The following SPPL2B variants were observed in gnomAD, a reference collection of about 807,000 sequenced individuals.
SPPL2B encodes the protein signal peptide peptidase-like 2B.
SPPL2B carries 39 observed loss-of-function variants against 59.7 expected under a neutral mutation model. The observed-to-expected ratio is 0.65, with a 90% CI of 0.51 to 0.85. The LOEUF (loss-of-function observed/expected upper bound fraction) is 0.85, where lower values mean the gene tolerates loss of function less well. SPPL2B is among the 40% of genes least tolerant of loss of function. The probability of loss-of-function intolerance (pLI) is 0.00; values close to 1 mark genes in which losing one functional copy is unlikely to be tolerated. For synonymous variants in SPPL2B, 419 were observed against 370.8 expected, an observed-to-expected ratio of 1.13 and a Z score of -1.49; for missense variants, 865 against 849.0, an observed-to-expected ratio of 1.02 and a Z score of -0.23.
chr19:2,340,250 C>T (rs549251350), intron 7 of SPPL2B, 78 bp downstream of exon 7: 115 of 1,133,918 alleles, frequency 1.0e-4, no homozygotes, highest in Admixed American at 3.9e-4. Flanking sequence ...CCCATAGCCC[C>T]CCATGGTGCA....
intron 13 of SPPL2B, among the ~76,000 whole-genome samples, chr19:2,347,258 C>G (rs1360399919): frequency 1.5e-5 from 2 of 135,420 alleles, no homozygotes; most frequent in Non-Finnish European, 3.2e-5. Flanking sequence ...GCCGTTCTCT[C>G]TCCACACACA....
intron 3 of SPPL2B, 200 bp downstream of exon 3, chr19:2,337,825 T>G (rs1234398669): frequency 1.8e-6 from 1 of 569,820 alleles, no homozygotes; most frequent in African/African-American, 1.9e-5. Flanking sequence ...GATGAGTCTG[T>G]TCTTCCTGAG....
Position 2,337,616 on chromosome 19 carries a change from G to T in SPPL2B, c.360G>T (p.Arg120Ser). 6.3e-7 allele frequency: 1 copy of T among 1,581,490 alleles called. No homozygotes were observed. The highest frequency in any genetic ancestry group is 2.3e-5 in the East Asian group (1 of 44,136). Reference protein sequence around the residue: ...SGARGLLIVSRERLVPPGGNK... With the variant: ...SGARGLLIVSSERLVPPGGNK... Reference sequence around the variant, plus strand: ...CACGCGGGCTGCTCATCGTCAGCAGGGAGAGGCTGGTACGGCCCTGTGCGT... The same window carrying T: ...CACGCGGGCTGCTCATCGTCAGCAGTGAGAGGCTGGTACGGCCCTGTGCGT... The change falls in exon 3 of 15, where the codon AGG becomes AGT. Residue 120 changes from arginine to serine, a missense_variant. Arg to Ser is a moderately radical substitution (Grantham distance 110). Transcript: ENST00000613503.
chr19:2,352,916 C>G (rs375201771), intron 14 of SPPL2B, 30 bp from the exon 15 acceptor site: 30 of 1,610,522 alleles, frequency 1.9e-5, no homozygotes, highest in Non-Finnish European at 2.5e-5. Context: ...TCCCTGTCTC[C>G]GCCTCACCTC....
At chr19:2,349,469 TTC>T (rs369691092) in intron 13 of SPPL2B, among the ~76,000 whole-genome samples, 6 of 2,122 alleles carry the variant, frequency 2.8e-3, no homozygotes, top group Non-Finnish European at 3.9e-3. Context: ...CTTGATTCCG[TTC>T]TCTCTCTCCA....
At chr19:2,343,842 G>T in intron 9 of SPPL2B, 123 bp from the exon 10 acceptor site, 1 of 699,040 alleles carries the variant, frequency 1.4e-6, no homozygotes, top group South Asian at 1.7e-5. Flanking sequence ...CCCTGGCACT[G>T]GGCACGCTCT....
Position 2,339,802 on chromosome 19 carries a change from C to T in SPPL2B, c.600-22C>T, listed in dbSNP as rs771502487. The T allele has an allele frequency of 1.1e-4, 172 of 1,599,070 alleles. 3 individuals are homozygous for T. The South Asian group carries it at 1.4e-3, about 13-fold the overall frequency. The stretch of plus-strand genomic sequence containing the variant: ...TCGGCCAGCCGGCCCCAGGGCCCCA[C>T]GACCCCATGGTGTCTCCCAAGAAGG... On this transcript the variant is annotated intron_variant, in intron 5 of 14. Transcript: ENST00000613503.
rs571105676 is a variant in SPPL2B at position 2,348,144 on chromosome 19, C to T, written c.1354+2814C>T. On this transcript the variant is annotated intron_variant, in intron 13 of 14. Transcript: ENST00000613503. ...CTCCACACACACTCACGCTCTCATT[C>T]GCTTGATTCCGTTCTCTCTCCACAC... Among the ~76,000 whole-genome samples the T allele has an allele frequency of 1.2e-3, 93 of 75,348 alleles. 4 individuals carry two copies. The highest frequency in any genetic ancestry group is 4.7e-3 in the African/African-American group (71 of 15,062). The allele number at this position is 75,348 out of a possible 152,430, so 49.4% of individuals were successfully genotyped here.
At chr19:2,339,027 G>T (rs1311047031) in intron 4 of SPPL2B, 42 bp from the exon 5 acceptor site, 2 of 1,534,362 alleles carry the variant, frequency 1.3e-6, no homozygotes, top group Admixed American at 2.0e-5. Flanking sequence ...CATGGCTGGC[G>T]GGTGGCTCTG....
intron 9 of SPPL2B, 85 bp downstream of exon 9, chr19:2,343,377 C>A: frequency 8.7e-7 from 1 of 1,147,186 alleles, no homozygotes; most frequent in South Asian, 1.3e-5. Context: ...GGCTGTGGTC[C>A]TTGCAGGTCT....
rs532652884 is a variant in SPPL2B, at chr19:2,337,536, G to T, written c.280G>T (p.Ala94Ser). The T allele has an allele frequency of 1.2e-6, 2 of 1,613,022 alleles. No homozygotes were observed. Among genetic ancestry groups the T allele is most frequent in the East Asian group, 4.5e-5 (2 of 44,880 alleles). Residue 94 changes from alanine (A) to serine (S), a missense_variant, in exon 3 of 15, where the codon GCG becomes TCG. Coordinates refer to ENST00000613503, the MANE Select transcript of SPPL2B (RefSeq NM_152988.3). ...RGFSNQIPLV[A>S]RGNCTFYEKV... ...CTTCAGCAACCAGATCCCGCTGGTG[G>T]CGCGGGGGAACTGCACCTTCTATGA...
At chr19:2,348,744 T>C (rs1969665986) in intron 13 of SPPL2B, among the ~76,000 whole-genome samples, 1 of 19,530 alleles carries the variant, frequency 5.1e-5, no homozygotes, top group African/African-American at 1.9e-4. Context: ...TTGATTCCGT[T>C]CTCTCTCTCC....
intron 2 of SPPL2B, among the ~76,000 whole-genome samples, chr19:2,334,989 C>T (rs935518622): frequency 7.9e-5 from 12 of 152,074 alleles, no homozygotes; most frequent in African/African-American, 1.4e-4. Flanking sequence ...TGCTCCATGC[C>T]GGGGACCCTA....
intron 12 of SPPL2B, 98 bp downstream of exon 12, chr19:2,344,750 C>T: frequency 1.3e-6 from 1 of 787,738 alleles, no homozygotes; most frequent in South Asian, 1.5e-5. Context: ...ACACCGTCGG[C>T]TGGAGATAAA....
chr19:2,343,166 G>C (rs1477816584), intron 8 of SPPL2B, 45 bp from the exon 9 acceptor site: 3 of 1,512,862 alleles, frequency 2.0e-6, no homozygotes, highest in African/African-American at 2.8e-5. Flanking sequence ...GTCCTGGGTG[G>C]TCAGCCAGCC....
chr19:2,350,656 T>G (rs1568455145), intron 13 of SPPL2B, among the ~76,000 whole-genome samples: 1 of 152,266 alleles, frequency 6.6e-6, no homozygotes, highest in African/African-American at 2.4e-5. Flanking sequence ...ACATGCAGAT[T>G]TTTTGGGCCA....
At chr19:2,335,983 A>AATG (rs1968579961) in intron 2 of SPPL2B, among the ~76,000 whole-genome samples, 1 of 152,062 alleles carries the variant, frequency 6.6e-6, no homozygotes, top group African/African-American at 2.4e-5. Context: ...GTGAACACAT[A>AATG]GGTGTGTGTC....
intron 2 of SPPL2B, among the ~76,000 whole-genome samples, chr19:2,336,318 C>T (rs1382247086): frequency 1.3e-5 from 2 of 151,352 alleles, no homozygotes; most frequent in Non-Finnish European, 2.9e-5. Context: ...AAGCATGTAG[C>T]TACATAATAG....
At chr19:2,352,797 G>A (rs1208022852) in intron 14 of SPPL2B, 149 bp from the exon 15 acceptor site, 39 of 857,560 alleles carry the variant, frequency 4.5e-5, no homozygotes, top group Non-Finnish European at 6.3e-5. Flanking sequence ...TTATGGAGCC[G>A]GCCCCCTCCT....
Sources: gnomAD v4.1 joint callset for allele counts (sites outside exome capture counted in the v4.1 genomes callset) on GRCh38, gnomAD v4.1.1 for gene constraint, MANE v1.5 for transcripts, NCBI Gene and HGNC (gene_info 2026-07-23, HGNC 2026-07-21) for gene names.